The following PLA2G4B variants were observed in gnomAD, a reference collection of about 807,000 sequenced individuals.
PLA2G4B encodes phospholipase A2 group IVB.
In PLA2G4B, 122 loss-of-function variants were observed where a neutral mutation model predicts 95.8. That is an observed-to-expected ratio of 1.27 (90% CI 1.10 to 1.48). PLA2G4B has a LOEUF of 1.48. Ranked by LOEUF, PLA2G4B falls within the 40% of genes most tolerant of loss-of-function variation. The pLI, the probability that PLA2G4B is intolerant of heterozygous loss-of-function variation, is 0.00. For missense variants in PLA2G4B, 1,158 were observed against 996.2 expected (o/e 1.16, Z -2.19); for synonymous variants, 518 against 421.5 (o/e 1.23, Z -2.80).
Position 41,845,087 on chromosome 15 carries a change from C to T in PLA2G4B, c.1239+17C>T. 6.3e-7 allele frequency: 1 copy of T among 1,595,152 alleles called. No homozygotes were observed. Among genetic ancestry groups the T allele is most frequent in the Non-Finnish European group, 8.6e-7 (1 of 1,168,652 alleles). The stretch of plus-strand genomic sequence containing the variant: ...CATGATGAGGTGCGGGGGCTGCGGC[C>T]TGGGGGCAGAGCCAGGGCAAGGGCT... On this transcript the variant is annotated intron_variant, in intron 13 of 19. Coordinates refer to ENST00000458483, the MANE Select transcript of PLA2G4B (RefSeq NM_001114633.2).
Position 41,841,256 on chromosome 15 carries a change from A to G in PLA2G4B, c.418A>G (p.Ser140Gly). 6.2e-7 allele frequency: 1 copy of G among 1,613,206 alleles called. No individual in the cohort carries two copies. Among genetic ancestry groups the G allele is most frequent in the Non-Finnish European group, 8.5e-7 (1 of 1,179,996 alleles). The stretch of plus-strand genomic sequence containing the variant: ...GGCTGACCGTGGCGAGTGGCTCGTC[A>G]GCAATGGCGTTCTGGTGGTGAGTGT... The part of the protein sequence containing the change: ...SLADRGEWLV[S>G]NGVLVARELS... The change falls in exon 6 of 20, where the codon AGC (serine) becomes GGC (glycine). Residue 140 changes from serine (S) to glycine (G), a missense_variant. Transcript: ENST00000458483.
intron 10 of PLA2G4B, 150 bp downstream of exon 10, chr15:41,842,741 A>C: frequency 8.1e-7 from 1 of 1,237,340 alleles, no homozygotes; most frequent in South Asian, 1.5e-5. Flanking sequence ...AGGGGGCACG[A>C]AGTACTGGGA....
chr15:41,843,777 C>T lies in PLA2G4B; in HGVS notation c.845C>T (p.Ala282Val), dbSNP rs773381761. ...GTGGTGGCCGCGGCCTTGAGGCAGGCCCTGCAGCTGGACGGAGACCTGCAG... is the reference window on the plus strand; with the variant it reads ...GTGGTGGCCGCGGCCTTGAGGCAGGTCCTGCAGCTGGACGGAGACCTGCAG... ...KQVVAAALRQ[A>V]LQLDGDLQED... The change falls in exon 11 of 20, where the codon GCC (alanine) becomes GTC (valine). Residue 282 changes from alanine (A) to valine (V), a missense_variant. Physicochemically the swap from Ala to Val is moderately conservative, Grantham distance 64 (BLOSUM62 0). Transcript: ENST00000458483. The T allele has an allele frequency of 3.1e-6, 5 of 1,613,854 alleles. No homozygotes were observed. In the South Asian group the frequency reaches 4.4e-5, roughly 14 times the overall value.
chr15:41,840,154 G>T lies in PLA2G4B; in HGVS notation c.10-4G>T, dbSNP rs570415180. ...AGCAGGTCTCCCCTCTCCCACCTCT[G>T]CAGGCAGAGGTGTCCAGGACCTGCC... On this transcript the variant is annotated splice_polypyrimidine_tract_variant and splice_region_variant and intron_variant, in intron 1 of 19. Coordinates refer to ENST00000458483, the MANE Select transcript of PLA2G4B (RefSeq NM_001114633.2). The T allele has an allele frequency of 6.2e-7, 1 of 1,612,848 alleles. No individual in the cohort carries two copies. The highest frequency in any genetic ancestry group is 8.5e-7 in the Non-Finnish European group (1 of 1,179,786).
intron 1 of PLA2G4B, 75 bp from the exon 2 acceptor site, chr15:41,840,083 C>G (rs950280922): frequency 1.3e-6 from 2 of 1,549,162 alleles, no homozygotes; most frequent in Non-Finnish European, 1.8e-6. Context: ...AGGCACTGCT[C>G]CAGCCTCCTT....
Position 41,847,819 on chromosome 15 carries a change from C to A in PLA2G4B, c.2305C>A (p.Arg769Ser). 1 of 1,608,156 alleles carries A rather than the reference C, an allele frequency of 6.2e-7. No homozygotes were observed. The highest frequency in any genetic ancestry group is 8.5e-7 in the Non-Finnish European group (1 of 1,179,976). Reference protein sequence around the residue: ...NNQEQLLEALRQAVQRRRQRR... With the variant: ...NNQEQLLEALSQAVQRRRQRR... Reference sequence around the variant, plus strand: ...CCAGGAGCAGCTGCTGGAGGCTCTGCGCCAGGCAGTGCAGCGGAGGCGGCA... The same window carrying A: ...CCAGGAGCAGCTGCTGGAGGCTCTGAGCCAGGCAGTGCAGCGGAGGCGGCA... Residue 769 changes from arginine (R) to serine (S), a missense_variant, in exon 20 of 20, where the codon CGC becomes AGC. Coordinates refer to ENST00000458483, the MANE Select transcript of PLA2G4B (RefSeq NM_001114633.2).
Position 41,845,265 on chromosome 15 carries a change from C to T in PLA2G4B, c.1302C>T (p.Pro434=), listed in dbSNP as rs750094010. Reference sequence around the variant, plus strand: ...TGAGTCATGGCCAGAACCCTCTGCCCATCTACTGTGCCCTCAACACCAAAG... The same window carrying T: ...TGAGTCATGGCCAGAACCCTCTGCCTATCTACTGTGCCCTCAACACCAAAG... ...EALSHGQNPL[P]IYCALNTKGQ... Residue 434 remains proline, a synonymous_variant, in exon 14 of 20, where the codon CCC becomes CCT. Coordinates refer to ENST00000458483, the MANE Select transcript of PLA2G4B (RefSeq NM_001114633.2). 7.4e-6 allele frequency: 12 copies of T among 1,614,056 alleles called. No individual in the cohort carries two copies. The Admixed American group carries it at 1.2e-4, about 16-fold the overall frequency.
rs928301728 is a variant in PLA2G4B, at chr15:41,845,730, C to T, written c.1450C>T (p.Gln484Ter). The T allele has an allele frequency of 6.2e-7, 1 of 1,612,022 alleles. No individual in the cohort carries two copies. The highest frequency in any genetic ancestry group is 1.3e-5 in the African/African-American group (1 of 74,908). Residue 484 changes from glutamine to a stop codon, truncating the protein, a stop_gained, in exon 15 of 20, where the codon CAG becomes TAG. Coordinates refer to ENST00000458483, the MANE Select transcript of PLA2G4B (RefSeq NM_001114633.2). LOFTEE classifies it high-confidence loss of function. ...CTTTGGCTCCGAGTTCTTTATGGGG[C>T]AGCTGATGAAGAGGCTTCCTGAGTC... ...ELFGSEFFMG[Q>*]LMKRLPESRI...
At position 41,841,858 on chromosome 15, in the gene PLA2G4B, G is replaced by T. The variant is rs1230571680; in HGVS notation, c.530G>T (p.Cys177Phe). The change falls in exon 8 of 20, where the codon TGT (cysteine) becomes TTT (phenylalanine). Residue 177 changes from cysteine (C) to phenylalanine (F), a missense_variant. Coordinates refer to ENST00000458483, the MANE Select transcript of PLA2G4B (RefSeq NM_001114633.2). ...HRVQLVVPGS[C>F]EGPQEASVGT... is the part of the protein sequence containing the mutation. ...GTTCAGCTTGTGGTTCCTGGGTCCT[G>T]TGAGGGTCCGCAGGAGGCCTCTGTG... The T allele has an allele frequency of 6.2e-7, 1 of 1,613,564 alleles. No individual in the cohort carries two copies. Among genetic ancestry groups the T allele is most frequent in the Non-Finnish European group, 8.5e-7 (1 of 1,179,902 alleles).
chr15:41,846,049 TA>T lies in PLA2G4B; in HGVS notation c.1600+4del. ...GGGTCAGGAACCAGGCCAACCTGGG[TA>T]AGTGCTCCGGGCCCTTCATAAGGGT... On this transcript the variant is annotated splice_donor_region_variant and intron_variant, in intron 16 of 19. Transcript: ENST00000458483. The T allele has an allele frequency of 6.4e-7, 1 of 1,563,278 alleles. No individual in the cohort carries two copies. Among genetic ancestry groups the T allele is most frequent in the Non-Finnish European group, 8.7e-7 (1 of 1,153,804 alleles).
chr15:41,847,715 A>T lies in PLA2G4B; in HGVS notation c.2201A>T (p.Tyr734Phe), dbSNP rs755939705. The T allele has an allele frequency of 1.9e-5, 31 of 1,613,056 alleles. No homozygotes were observed. Among genetic ancestry groups the T allele is most frequent in the Non-Finnish European group, 2.5e-5 (30 of 1,180,024 alleles). ...EVNLSSSDSP[Y>F]HYTKVTYSQE... ...AACCTGTCTTCATCGGACTCTCCCT[A>T]CCACTACACGAAGGTGACCTACAGC... Residue 734 changes from tyrosine (Y) to phenylalanine (F), a missense_variant, in exon 20 of 20, where the codon TAC becomes TTC. Transcript: ENST00000458483.
Position 41,847,447 on chromosome 15 carries a change from C to A in PLA2G4B, c.2058C>A (p.Asp686Glu). Residue 686 changes from aspartate to glutamate, a missense_variant, in exon 19 of 20, where the codon GAC (aspartate) becomes GAA (glutamate). By Grantham distance (45) the Asp-to-Glu change is conservative (BLOSUM62 2). Coordinates refer to ENST00000458483, the MANE Select transcript of PLA2G4B (RefSeq NM_001114633.2). ...LQPRECHTFS[D>E]PTCPGAPAVL... is the part of the protein sequence containing the mutation. The stretch of plus-strand genomic sequence containing the variant: ...CTCGGGAGTGCCACACCTTCTCCGA[C>A]CCCACCTGCCCCGGAGCCCCTGCGG... 6.2e-7 allele frequency: 1 copy of A among 1,613,352 alleles called. No homozygotes were observed. The highest frequency in any genetic ancestry group is 8.5e-7 in the Non-Finnish European group (1 of 1,179,772).
At position 41,847,868 on chromosome 15, in the gene PLA2G4B, G is replaced by A. The variant is rs1394103844; in HGVS notation, c.*8G>A. Reference sequence around the variant, plus strand: ...CAGCGCAGGCCCCACTGATGGCCGGGGCCCCTGCCACCCCTAACTCTCATT... The same window carrying A: ...CAGCGCAGGCCCCACTGATGGCCGGAGCCCCTGCCACCCCTAACTCTCATT... On this transcript the variant is annotated 3_prime_UTR_variant, in exon 20 of 20. Coordinates refer to ENST00000458483, the MANE Select transcript of PLA2G4B (RefSeq NM_001114633.2). 5 of 1,610,680 alleles carry A rather than the reference G, an allele frequency of 3.1e-6. No individual in the cohort carries two copies. The highest frequency in any genetic ancestry group is 4.2e-6 in the Non-Finnish European group (5 of 1,179,136).
At chr15:41,844,822 C>CCGGCTT in intron 12 of PLA2G4B, 26 bp from the exon 13 acceptor site, 1 of 1,579,438 alleles carries the variant, frequency 6.3e-7, no homozygotes, top group South Asian at 1.1e-5. Context: ...TGACAGCCCT[C>CCGGCTT]TGGCTTTGGC....
Position 41,843,908 on chromosome 15 carries a change from G to A in PLA2G4B, c.879+97G>A, listed in dbSNP as rs576335500. On this transcript the variant is annotated intron_variant, in intron 11 of 19. Coordinates refer to ENST00000458483, the MANE Select transcript of PLA2G4B (RefSeq NM_001114633.2). ...CTGCTTGTCCCCGATCTAGACCAGAGCTCGTAGCTGCCTGTCCCCACCCTG... is the reference window on the plus strand; with the variant it reads ...CTGCTTGTCCCCGATCTAGACCAGAACTCGTAGCTGCCTGTCCCCACCCTG... The A allele has an allele frequency of 9.0e-5, 135 of 1,499,484 alleles. 2 individuals are homozygous for A. The highest frequency in any genetic ancestry group is 8.9e-7 in the Non-Finnish European group (1 of 1,125,904). The allele number at this position is 1,499,484 out of a possible 1,614,324, so 92.9% of individuals were successfully genotyped here.
In PLA2G4B at chr15:41,838,935, A is replaced by T. The variant is rs535775417; in HGVS notation, c.9+13A>T. 15 of 1,588,226 alleles carry T rather than the reference A, an allele frequency of 9.4e-6. No homozygotes were observed. Among genetic ancestry groups the T allele is most frequent in the African/African-American group, 2.7e-5 (2 of 74,546 alleles). On this transcript the variant is annotated intron_variant, in intron 1 of 19. Transcript: ENST00000458483. ...TCTCATGGCTGTGGTAAGGCCTGGC[A>T]GGGCCCTGGGTCCCTACTGGGACCC...
At chr15:41,843,585 G>A in intron 10 of PLA2G4B, 91 bp from the exon 11 acceptor site, 1 of 1,539,790 alleles carries the variant, frequency 6.5e-7, no homozygotes, top group African/African-American at 1.4e-5. Context: ...GAAGAGGGAG[G>A]GCAGTAGGTA....
At chr15:41,842,440 G>T (rs2065450314) in intron 9 of PLA2G4B, 114 bp from the exon 10 acceptor site, 1 of 1,568,954 alleles carries the variant, frequency 6.4e-7, no homozygotes, top group Non-Finnish European at 8.6e-7. Context: ...TTCAGGCCTG[G>T]CGCCTGTGGA....
intron 10 of PLA2G4B, 82 bp from the exon 11 acceptor site, chr15:41,843,594 T>C: frequency 3.8e-6 from 6 of 1,560,678 alleles, no homozygotes; most frequent in Non-Finnish European, 4.3e-6. Flanking sequence ...GGGCAGTAGG[T>C]ATTACAGGTG....
Sources: allele counts gnomAD v4.1 joint callset, GRCh38; gene constraint gnomAD v4.1.1; transcripts MANE v1.5; gene names NCBI Gene and HGNC (gene_info 2026-07-23, HGNC 2026-07-21).